Variants in MYO3B observed in about 807,000 individuals in gnomAD.
The protein encoded by MYO3B is myosin IIIB.
Under a neutral mutation model 174.6 loss-of-function variants are expected in MYO3B, and 156 were observed. The ratio of observed to expected loss-of-function variants is 0.89; its 90% confidence interval spans 0.78 to 1.02. The LOEUF is 1.02. MYO3B is among the 50% of genes least tolerant of loss of function. MYO3B has a pLI of 0.00. For synonymous variants in MYO3B, 563 were observed against 569.1 expected (o/e 0.99, Z 0.15); for missense variants, 1,632 against 1,639.4 (o/e 1.00, Z 0.08).
intron 7 of MYO3B, chr2:170,334,785 C>T (rs1164374876): frequency 6.6e-6 from 1 of 151,912 alleles, no homozygotes; most frequent in Admixed American, 6.6e-5. Flanking sequence ...TCTCGGACAT[C>T]CAATTATTAG....
At chr2:170,570,200 G>T (rs1207007772) in intron 32 of MYO3B, among the ~76,000 whole-genome samples, 1 of 152,102 alleles carries the variant, frequency 6.6e-6, no homozygotes, top group Non-Finnish European at 1.5e-5. Flanking sequence ...TGAAGAAAAA[G>T]AGTTTTCCAA....
intron 21 of MYO3B, 90 bp downstream of exon 21, chr2:170,405,723 C>A (rs2094505326): frequency 9.8e-7 from 1 of 1,023,268 alleles, no homozygotes; most frequent in Non-Finnish European, 1.5e-6. Flanking sequence ...AAATTGCTTA[C>A]AGATTTCTTT....
intron 8 of MYO3B, among the ~76,000 whole-genome samples, chr2:170,358,168 A>T (rs1434180753): frequency 6.6e-6 from 1 of 152,070 alleles, no homozygotes; most frequent in Non-Finnish European, 1.5e-5. Flanking sequence ...AAAAAACAAA[A>T]AAACAAAAGT....
chr2:170,643,068 C>A (rs560653332), intron 32 of MYO3B, among the ~76,000 whole-genome samples: 1 of 151,834 alleles, frequency 6.6e-6, no homozygotes, highest in Non-Finnish European at 1.5e-5. Flanking sequence ...GGCTTTGACC[C>A]GGGCATTAGT....
intron 12 of MYO3B, 127 bp downstream of exon 12, chr2:170,383,941 G>A (rs185038732): frequency 6.1e-5 from 43 of 701,504 alleles, no homozygotes; most frequent in Middle Eastern, 5.0e-4. Context: ...AGAGACAGGA[G>A]ATGAAGTGGC....
rs753341940 is a variant in MYO3B at position 170,178,337 on chromosome 2, G to C, written c.2+48G>C. On this transcript the variant is annotated intron_variant, in intron 1 of 34. Transcript: ENST00000408978. The stretch of plus-strand genomic sequence containing the variant: ...CCAGCTTTCTTCTGTGCTTGCTTTA[G>C]ATTGTTTTTCTGCAAAGGGCAGATG... 7.4e-6 allele frequency: 12 copies of C among 1,613,672 alleles called. No homozygotes were observed. In the East Asian group the frequency reaches 1.8e-4, roughly 24 times the overall value.
At chr2:170,317,465 A>T (rs2093784055) in intron 7 of MYO3B, among the ~76,000 whole-genome samples, 1 of 114,116 alleles carries the variant, frequency 8.8e-6, no homozygotes, top group African/African-American at 2.6e-5. Context: ...AAAGGGCTGT[A>T]AACTCTGTTT....
intron 8 of MYO3B, among the ~76,000 whole-genome samples, chr2:170,355,305 G>A (rs1362390246): frequency 6.6e-6 from 1 of 152,166 alleles, no homozygotes; most frequent in Non-Finnish European, 1.5e-5. Context: ...ATGAAAATCT[G>A]GCTTAGTTCA....
intron 16 of MYO3B, among the ~76,000 whole-genome samples, chr2:170,397,883 A>G (rs1414896388): frequency 1.3e-5 from 2 of 152,216 alleles, no homozygotes; most frequent in Admixed American, 1.3e-4. Context: ...AATAGTTTCT[A>G]GAACTCAGGA....
At chr2:170,277,984 TAA>T (rs1256447785) in intron 7 of MYO3B, among the ~76,000 whole-genome samples, 1 of 152,218 alleles carries the variant, frequency 6.6e-6, no homozygotes, top group Non-Finnish European at 1.5e-5. Context: ...TGGAATAGGT[TAA>T]GATAGAGACA....
chr2:170,339,724 C>T (rs1173371140), intron 8 of MYO3B, among the ~76,000 whole-genome samples: 1 of 152,144 alleles, frequency 6.6e-6, no homozygotes, highest in Non-Finnish European at 1.5e-5. Context: ...AAGCATCAGC[C>T]TGTTTGGTTC....
chr2:170,548,106 CAAAAAAAAAAAAAAAAAAAA>C lies in MYO3B; in HGVS notation c.3733+4128_3733+4147del, dbSNP rs10532249. 0.017 allele frequency among the ~76,000 whole-genome samples: 889 copies of C among 51,794 alleles called. 25 individuals carry two copies. In the South Asian group the frequency reaches 0.18, roughly 11 times the overall value. 34.0% of individuals were successfully genotyped at this position (51,794 alleles called of 152,430 possible). The stretch of plus-strand genomic sequence containing the variant: ...TGGGAAACAGAGCAAGACTCCGTCT[CAAAAAAAAAAAAAAAAAAAA>C]AAAAAAAAAGAATGTGAGGTTTGAG... On this transcript the variant is annotated intron_variant, in intron 32 of 34. Transcript: ENST00000408978.
At chr2:170,578,848 G>T (rs1438153878) in intron 32 of MYO3B, among the ~76,000 whole-genome samples, 1 of 152,220 alleles carries the variant, frequency 6.6e-6, no homozygotes, top group Non-Finnish European at 1.5e-5. Context: ...CCTACCCAAG[G>T]CTTGGCTCTT....
chr2:170,263,707 C>T (rs2105354979), intron 7 of MYO3B, among the ~76,000 whole-genome samples: 1 of 152,238 alleles, frequency 6.6e-6, no homozygotes. Context: ...ATAGAACATA[C>T]AATCGGGTTT....
chr2:170,551,538 C>CAAA (rs3072763), intron 32 of MYO3B, among the ~76,000 whole-genome samples: 1 of 56,198 alleles, frequency 1.8e-5, no homozygotes, highest in Non-Finnish European at 3.2e-5. Flanking sequence ...TGACTTTTTG[C>CAAA]AAAAAAAAAA....
At chr2:170,610,910 C>T (rs1017444979) in intron 32 of MYO3B, among the ~76,000 whole-genome samples, 1 of 152,096 alleles carries the variant, frequency 6.6e-6, no homozygotes, top group Middle Eastern at 3.2e-3. Context: ...AATACATGGA[C>T]ACAGAGCTGG....
intron 7 of MYO3B, among the ~76,000 whole-genome samples, chr2:170,276,827 T>C (rs185639830): frequency 4.8e-4 from 73 of 152,310 alleles, no homozygotes; most frequent in African/African-American, 1.6e-3. Context: ...ATAAAGCAAC[T>C]GTTTTTTTGC....
At chr2:170,571,506 C>T (rs1692437576) in intron 32 of MYO3B, among the ~76,000 whole-genome samples, 1 of 152,062 alleles carries the variant, frequency 6.6e-6, no homozygotes, top group African/African-American at 2.4e-5. Context: ...CTGAAGAGTG[C>T]CATTTTTGTT....
intron 32 of MYO3B, among the ~76,000 whole-genome samples, chr2:170,594,540 T>A (rs1345881513): frequency 6.6e-6 from 1 of 152,022 alleles, no homozygotes; most frequent in Non-Finnish European, 1.5e-5. Context: ...TCTAACAAAT[T>A]TTCTAATAGC....
Sources: allele counts gnomAD v4.1 joint callset (sites outside exome capture counted in the v4.1 genomes callset), GRCh38; gene constraint gnomAD v4.1.1; transcripts MANE v1.5; gene names NCBI Gene and HGNC (gene_info 2026-07-23, HGNC 2026-07-21).